PDHX: variants seen among roughly 807,000 people sequenced by gnomAD.
PDHX encodes pyruvate dehydrogenase complex component X.
In PDHX, 33 loss-of-function variants were observed where a neutral mutation model predicts 55.3. The observed-to-expected ratio is 0.60, with a 90% CI of 0.45 to 0.80. PDHX has a LOEUF of 0.80. Among genes scored for constraint, PDHX ranks in the 30% least tolerant of loss-of-function variants. PDHX has a pLI of 0.00. For synonymous variants in PDHX, 226 were observed against 219.4 expected (o/e 1.03, Z -0.27); for missense variants, 622 against 619.9 (o/e 1.00, Z -0.04).
chr11:34,931,313 T>A (rs572584718), intron 1 of PDHX, 91 bp from the exon 2 acceptor site: 45 of 751,650 alleles, frequency 6.0e-5, no homozygotes, highest in African/African-American at 5.7e-4. Context: ...TTTTTCAAAT[T>A]GAATTTGACG....
chr11:34,939,030 T>A (rs1362227920), intron 2 of PDHX, among the ~76,000 whole-genome samples: 1 of 152,256 alleles, frequency 6.6e-6, no homozygotes, highest in African/African-American at 2.4e-5. Flanking sequence ...TGATTTGTGA[T>A]CTTTTGAGTA....
At chr11:34,917,217 G>A (rs779778786) in intron 1 of PDHX, among the ~76,000 whole-genome samples, 1 of 152,148 alleles carries the variant, frequency 6.6e-6, no homozygotes, top group Non-Finnish European at 1.5e-5. Flanking sequence ...ACTGTTGGGA[G>A]TTCTTACTTA....
intron 3 of PDHX, among the ~76,000 whole-genome samples, chr11:34,952,492 A>G (rs1854798326): frequency 6.6e-6 from 1 of 151,784 alleles, no homozygotes. Context: ...CTTATCCACC[A>G]TGACCAAGTG....
At position 34,916,680 on chromosome 11, in the gene PDHX, T is replaced by C. The variant is rs1853718832; in HGVS notation, c.25T>C (p.Cys9Arg). MAASWRLGCDPRLLRYLVG... is the reference protein window; with the variant it reads MAASWRLGRDPRLLRYLVG... Reference sequence around the variant, plus strand: ...GATGGCGGCCTCCTGGAGGCTGGGCTGTGATCCGCGGCTGCTGCGTTATCT... The same window carrying C: ...GATGGCGGCCTCCTGGAGGCTGGGCCGTGATCCGCGGCTGCTGCGTTATCT... Residue 9 changes from cysteine to arginine, a missense_variant, in exon 1 of 11, where the codon TGT becomes CGT. Coordinates refer to ENST00000227868, the MANE Select transcript of PDHX (RefSeq NM_003477.3). The C allele has an allele frequency of 6.2e-7, 1 of 1,611,460 alleles. No homozygotes were observed. The highest frequency in any genetic ancestry group is 1.7e-5 in the Admixed American group (1 of 60,006).
At chr11:34,994,723 C>G (rs1855822287) in intron 10 of PDHX, among the ~76,000 whole-genome samples, 191 bp from the exon 11 acceptor site, 1 of 151,414 alleles carries the variant, frequency 6.6e-6, no homozygotes, top group African/African-American at 2.5e-5. Flanking sequence ...TACTAGTTAT[C>G]TATAGTCTCA....
Position 34,933,367 on chromosome 11 carries a change from G to A in PDHX, c.241+1883G>A, listed in dbSNP as rs961586791. Among the ~76,000 whole-genome samples, 15 of 152,072 alleles carry A rather than the reference G, an allele frequency of 9.9e-5. 1 individual carries two copies. The highest frequency in any genetic ancestry group is 6.2e-4 in the South Asian group (3 of 4,826). ...ATAGATTATAACTGAAGGATAAAGC[G>A]TCTCCAAAAGTATAATCCTCAACTG... On this transcript the variant is annotated intron_variant, in intron 2 of 10. Coordinates refer to ENST00000227868, the MANE Select transcript of PDHX (RefSeq NM_003477.3).
chr11:34,994,871 AT>A, intron 10 of PDHX, 42 bp from the exon 11 acceptor site: 1 of 1,611,660 alleles, frequency 6.2e-7, no homozygotes, highest in Non-Finnish European at 8.5e-7. Context: ...GGGGACTTTG[AT>A]TAAGGACATG....
In PDHX at chr11:34,952,019, G is replaced by A. The variant is rs138380930; in HGVS notation, c.342+4413G>A. On this transcript the variant is annotated intron_variant, in intron 3 of 10. Transcript: ENST00000227868. ...GATCAAATAGTTGTAGATATGCGGC[G>A]TTATTTCTGAGGGTCAAACTACCAT... 1.4e-3 allele frequency among the ~76,000 whole-genome samples: 206 copies of A among 152,128 alleles called. No individual in the cohort carries two copies. In the Middle Eastern group the frequency reaches 0.014, roughly 10 times the overall value.
At chr11:34,967,957 A>G (rs569327933) in intron 6 of PDHX, among the ~76,000 whole-genome samples, 15 of 152,248 alleles carry the variant, frequency 9.9e-5, no homozygotes, top group African/African-American at 3.4e-4. Context: ...GTATAATTCA[A>G]TCATATGTCT....
chr11:34,916,078 C>T, upstream of PDHX: 1 of 1,035,632 alleles, frequency 9.7e-7, no homozygotes, highest in Non-Finnish European at 1.4e-6. Context: ...ACGCCAAGGT[C>T]GCGGTGCGCC....
chr11:34,959,438 G>C (rs898326186), intron 4 of PDHX, among the ~76,000 whole-genome samples: 4 of 151,992 alleles, frequency 2.6e-5, no homozygotes, highest in Non-Finnish European at 5.9e-5. Context: ...ACCAGACCCA[G>C]ATTATAACAA....
intron 3 of PDHX, among the ~76,000 whole-genome samples, chr11:34,952,676 T>C (rs1170782442): frequency 6.6e-6 from 1 of 151,756 alleles, no homozygotes; most frequent in East Asian, 1.9e-4. Flanking sequence ...AATTAGGTAT[T>C]GATGGGATGT....
At chr11:34,979,384 GCTTCCTGC>G (rs1460612379) in intron 8 of PDHX, among the ~76,000 whole-genome samples, 1 of 152,100 alleles carries the variant, frequency 6.6e-6, no homozygotes, top group Non-Finnish European at 1.5e-5. Context: ...TAGAACCCAG[GCTTCCTGC>G]CTTCCTGCCT....
intron 1 of PDHX, among the ~76,000 whole-genome samples, chr11:34,926,897 T>C (rs1364091018): frequency 6.6e-6 from 1 of 152,058 alleles, no homozygotes; most frequent in African/African-American, 2.4e-5. Flanking sequence ...CAGGAATTGC[T>C]TAGAGGGATT....
chr11:34,981,335 A>T (rs1033357077), intron 8 of PDHX, among the ~76,000 whole-genome samples: 1 of 151,928 alleles, frequency 6.6e-6, no homozygotes, highest in African/African-American at 2.4e-5. Context: ...TGAACTCATC[A>T]TTTTTTATGG....
At chr11:34,924,839 G>T (rs1335677401) in intron 1 of PDHX, among the ~76,000 whole-genome samples, 1 of 152,146 alleles carries the variant, frequency 6.6e-6, no homozygotes, top group Non-Finnish European at 1.5e-5. Flanking sequence ...GAAGTAACTA[G>T]TTTTGTCTCT....
intron 1 of PDHX, among the ~76,000 whole-genome samples, chr11:34,924,192 C>A (rs1239231631): frequency 2.6e-5 from 4 of 152,102 alleles, no homozygotes; most frequent in East Asian, 3.8e-4. Flanking sequence ...AAATAAATAA[C>A]TAACATTTTT....
intron 3 of PDHX, among the ~76,000 whole-genome samples, chr11:34,950,824 C>G (rs1283274393): frequency 2.7e-5 from 4 of 150,282 alleles, no homozygotes; most frequent in African/African-American, 9.8e-5. Context: ...TGAATAGTGC[C>G]GCAGTAAACA....
chr11:34,955,351 GA>G (rs1306846265), intron 3 of PDHX, among the ~76,000 whole-genome samples: 1 of 152,140 alleles, frequency 6.6e-6, no homozygotes, highest in African/African-American at 2.4e-5. Flanking sequence ...ATGCTTACAG[GA>G]AATTAGCACA....
Sources: allele counts gnomAD v4.1 joint callset (sites outside exome capture counted in the v4.1 genomes callset), GRCh38; gene constraint gnomAD v4.1.1; transcripts MANE v1.5; gene names NCBI Gene and HGNC (gene_info 2026-07-23, HGNC 2026-07-21).